DCDC1: variants seen among roughly 807,000 people sequenced by gnomAD.
DCDC1 encodes doublecortin domain-containing protein 1.
Under a neutral mutation model 178.3 loss-of-function variants are expected in DCDC1, and 200 were observed. The ratio of observed to expected loss-of-function variants is 1.12; its 90% CI spans 1.00 to 1.26. The LOEUF (loss-of-function observed/expected upper bound fraction) is 1.26. Ranked by LOEUF, DCDC1 falls within the 50% of genes most tolerant of loss-of-function variation. The pLI is 0.00. For missense variants in DCDC1, 1,983 were observed against 1,749.2 expected (o/e 1.13, Z -2.38); for synonymous variants, 690 against 604.8 (o/e 1.14, Z -2.07).
At chr11:31,114,944 G>A (rs1189097595) in intron 11 of DCDC1, among the ~76,000 whole-genome samples, 1 of 152,148 alleles carries the variant, frequency 6.6e-6, no homozygotes, top group African/African-American at 2.4e-5. Flanking sequence ...CTGTTGTTCT[G>A]TCAGAGTTAT....
At chr11:30,990,351 C>A (rs1289628141) in intron 20 of DCDC1, among the ~76,000 whole-genome samples, 3 of 152,170 alleles carry the variant, frequency 2.0e-5, no homozygotes, top group Non-Finnish European at 4.4e-5. Context: ...AAGCACGACA[C>A]CTTATTGCAT....
intron 2 of DCDC1, among the ~76,000 whole-genome samples, chr11:31,333,930 G>C (rs1204468475): frequency 6.6e-6 from 1 of 152,280 alleles, no homozygotes; most frequent in East Asian, 1.9e-4. Context: ...GGCCTACTTT[G>C]CTAGGTTGGG....
At chr11:30,884,698 TAAAC>T (rs1292408618) in intron 36 of DCDC1, among the ~76,000 whole-genome samples, 1 of 151,914 alleles carries the variant, frequency 6.6e-6, no homozygotes, top group East Asian at 1.9e-4. Context: ...AAGACCCTTG[TAAAC>T]AAAAAAACTA....
intron 20 of DCDC1, among the ~76,000 whole-genome samples, chr11:30,981,087 A>G (rs2134798066): frequency 6.6e-6 from 1 of 152,324 alleles, no homozygotes; most frequent in South Asian, 2.1e-4. Flanking sequence ...ATAACTAAGA[A>G]ACAGAAAATC....
At chr11:31,107,342 A>G (rs1265527187) in intron 12 of DCDC1, among the ~76,000 whole-genome samples, 2 of 152,188 alleles carry the variant, frequency 1.3e-5, no homozygotes, top group Non-Finnish European at 2.9e-5. Flanking sequence ...CTTCCAGACC[A>G]CGTTCAAGTT....
At chr11:31,022,593 T>A (rs1285444778) in intron 20 of DCDC1, among the ~76,000 whole-genome samples, 1 of 151,634 alleles carries the variant, frequency 6.6e-6, no homozygotes, top group Non-Finnish European at 1.5e-5. Context: ...TTCTATAACA[T>A]ACAGATTGGT....
intron 8 of DCDC1, among the ~76,000 whole-genome samples, chr11:31,264,751 G>A (rs1446632025): frequency 6.6e-6 from 1 of 152,146 alleles, no homozygotes; most frequent in East Asian, 1.9e-4. Context: ...TTCCTACTCT[G>A]TCAATTCTGT....
chr11:31,357,733 A>C (rs1228423360), intron 1 of DCDC1, among the ~76,000 whole-genome samples: 2 of 152,168 alleles, frequency 1.3e-5, no homozygotes, highest in East Asian at 3.8e-4. Context: ...AAGCAACTTC[A>C]GCAAAGTCTC....
chr11:30,875,547 CA>C (rs58301594), intron 38 of DCDC1, among the ~76,000 whole-genome samples: 101,905 of 147,808 alleles, frequency 0.69, 34,947 homozygotes, highest in Middle Eastern at 0.81. Context: ...CCAAATGATG[CA>C]AAAAAAAAAA....
intron 9 of DCDC1, among the ~76,000 whole-genome samples, chr11:31,192,152 C>T (rs1038400113): frequency 2.6e-5 from 4 of 152,028 alleles, no homozygotes; most frequent in African/African-American, 9.7e-5. Flanking sequence ...TCACTCTCAC[C>T]GTTAGGACCT....
intron 9 of DCDC1, among the ~76,000 whole-genome samples, chr11:31,146,809 CT>C (rs1350118226): frequency 5.3e-5 from 8 of 152,344 alleles, no homozygotes; most frequent in Admixed American, 2.6e-4. Context: ...ATAGAGCCAT[CT>C]TTCCTTGAGT....
intron 21 of DCDC1, among the ~76,000 whole-genome samples, chr11:30,950,482 A>C (rs1471257882): frequency 1.3e-5 from 2 of 152,218 alleles, no homozygotes; most frequent in Non-Finnish European, 2.9e-5. Context: ...TGAATGGACA[A>C]AGAAAATGTT....
rs549135283 is a variant in DCDC1, at chr11:30,871,824, T to C, written c.*41-6492A>G. 2.6e-5 allele frequency among the ~76,000 whole-genome samples: 4 copies of C among 152,060 alleles called. No homozygotes were observed. The South Asian group carries it at 8.3e-4, about 32-fold the overall frequency. On this transcript the variant is annotated intron_variant, in intron 38 of 38. Transcript: ENST00000684477. ...ATTATTTCTAAGGGAATTATAGTGA[T>C]AAAACATGAGTACACTTAGTGTATT...
chr11:31,032,441 A>G (rs1012886967), intron 20 of DCDC1, among the ~76,000 whole-genome samples: 1 of 152,182 alleles, frequency 6.6e-6, no homozygotes, highest in African/African-American at 2.4e-5. Context: ...AAGAAGCCAT[A>G]TGCATAATCG....
At chr11:30,969,786 A>C (rs1286391336) in intron 20 of DCDC1, among the ~76,000 whole-genome samples, 1 of 152,190 alleles carries the variant, frequency 6.6e-6, no homozygotes, top group African/African-American at 2.4e-5. Context: ...TAATATTATA[A>C]TCAAACTACA....
chr11:30,936,993 C>T (rs527567607), intron 21 of DCDC1, among the ~76,000 whole-genome samples: 1 of 152,224 alleles, frequency 6.6e-6, no homozygotes, highest in East Asian at 1.9e-4. Flanking sequence ...TGTTGCCTTC[C>T]CCAACCCACA....
chr11:31,029,251 C>A (rs1036995433), intron 20 of DCDC1, among the ~76,000 whole-genome samples: 1 of 151,952 alleles, frequency 6.6e-6, no homozygotes, highest in African/African-American at 2.4e-5. Flanking sequence ...TTTATAATTC[C>A]TGAAATAAAA....
intron 7 of DCDC1, among the ~76,000 whole-genome samples, chr11:31,279,190 T>C (rs762812277): frequency 8.5e-4 from 129 of 152,182 alleles, no homozygotes; most frequent in Non-Finnish European, 1.2e-3. Context: ...AATAGTTAAG[T>C]ATTTCATGTG....
At chr11:31,243,196 A>G (rs1370744736) in intron 8 of DCDC1, among the ~76,000 whole-genome samples, 3 of 151,732 alleles carry the variant, frequency 2.0e-5, no homozygotes, top group South Asian at 4.1e-4. Flanking sequence ...CAGAATTATA[A>G]CTCTTCAACC....
Sources: allele counts gnomAD v4.1 joint callset (sites outside exome capture counted in the v4.1 genomes callset), GRCh38; gene constraint gnomAD v4.1.1; transcripts MANE v1.5; gene names NCBI Gene and HGNC (gene_info 2026-07-23, HGNC 2026-07-21).